Variants in PDE1C observed in about 807,000 individuals in gnomAD.
PDE1C encodes dual specificity calcium/calmodulin-dependent 3',5'-cyclic nucleotide phosphodiesterase 1C.
A neutral mutation model predicts 93.1 loss-of-function variants in PDE1C; 62 were observed. The observed-to-expected ratio is 0.67, with a 90% CI of 0.54 to 0.82. The LOEUF (loss-of-function observed/expected upper bound fraction) is 0.82, where lower values mean the gene tolerates loss of function less well. Ranked by LOEUF, PDE1C falls within the 40% of genes least tolerant of loss-of-function variation. PDE1C has a pLI of 0.00. For synonymous variants in PDE1C, 325 were observed against 310.1 expected, an observed-to-expected ratio of 1.05 and a Z score of -0.50; for missense variants, 742 against 884.6, an observed-to-expected ratio of 0.84 and a Z score of 2.04.
chr7:31,792,010 G>T (rs1490161282), intron 16 of PDE1C, among the ~76,000 whole-genome samples: 1 of 152,036 alleles, frequency 6.6e-6, no homozygotes, highest in Non-Finnish European at 1.5e-5. Flanking sequence ...GTGAATAAAA[G>T]AAGTTTGTGT....
At chr7:32,088,223 T>TA (rs1305008232) in intron 3 of PDE1C, among the ~76,000 whole-genome samples, 1 of 152,012 alleles carries the variant, frequency 6.6e-6, no homozygotes, top group East Asian at 1.9e-4. Context: ...AAAAAGCTCC[T>TA]AAAAAAAGCT....
the PDE1C span, among the ~76,000 whole-genome samples, chr7:31,693,756 T>C: frequency 1.3e-5 from 2 of 152,142 alleles, no homozygotes; most frequent in Non-Finnish European, 2.9e-5. Context: ...TTTAAGGAAA[T>C]TTACCTGAAT....
At chr7:32,113,635 C>T (rs1490395535) in intron 3 of PDE1C, among the ~76,000 whole-genome samples, 1 of 151,782 alleles carries the variant, frequency 6.6e-6, no homozygotes, top group African/African-American at 2.4e-5. Flanking sequence ...TAGCTACAGT[C>T]AATTTAGTAA....
chr7:31,964,644 G>C (rs186394516), intron 2 of PDE1C, among the ~76,000 whole-genome samples: 1 of 152,216 alleles, frequency 6.6e-6, no homozygotes, highest in Non-Finnish European at 1.5e-5. Flanking sequence ...ATCTGAGAAC[G>C]GGCAGACTGC....
rs546911543 is a variant in PDE1C at position 32,342,687 on chromosome 7, C to T, written c.310+85135G>A. On this transcript the variant is annotated intron_variant, in intron 1 of 1. Coordinates refer to the PDE1C transcript ENST00000672256. ...CACCTAAATTTAAATTCCTGTTCTACTAATTGTGTGATCTTGGGCAAGTGA... is the reference window on the plus strand; with the variant it reads ...CACCTAAATTTAAATTCCTGTTCTATTAATTGTGTGATCTTGGGCAAGTGA... Among the ~76,000 whole-genome samples the T allele has an allele frequency of 8.5e-5, 13 of 152,240 alleles. No homozygotes were observed. In the South Asian group the frequency reaches 2.7e-3, roughly 32 times the overall value.
intron 2 of PDE1C, among the ~76,000 whole-genome samples, chr7:32,017,065 G>A (rs1309992521): frequency 6.6e-6 from 1 of 152,098 alleles, no homozygotes; most frequent in East Asian, 1.9e-4. Context: ...TTATTTCATA[G>A]TTACTGGGAA....
chr7:31,849,694 C>T (rs927490751), intron 8 of PDE1C, among the ~76,000 whole-genome samples: 3 of 152,096 alleles, frequency 2.0e-5, no homozygotes, highest in Non-Finnish European at 2.9e-5. Flanking sequence ...AAACTCTCAT[C>T]CCTCCCTGCT....
rs935965434 is a variant in PDE1C, at chr7:32,015,955, TAAA to T, written c.128+35596_128+35598del. Among the ~76,000 whole-genome samples the T allele has an allele frequency of 3.2e-4, 49 of 152,270 alleles. 1 individual carries two copies. The highest frequency in any genetic ancestry group is 1.1e-3 in the African/African-American group (47 of 41,546). On this transcript the variant is annotated intron_variant, in intron 2 of 17. Coordinates refer to ENST00000396191, the MANE Select transcript of PDE1C (RefSeq NM_001191057.4). ...ACACTGGACCAAATTGAGGACTAGC[TAAA>T]ATAGGGACAAGGCGGAAACGGCTTT...
chr7:32,185,432 G>C (rs1803788682), intron 2 of PDE1C, among the ~76,000 whole-genome samples: 1 of 151,804 alleles, frequency 6.6e-6, no homozygotes, highest in Non-Finnish European at 1.5e-5. Context: ...TTTTTATCCT[G>C]GGAATAGTCT....
At chr7:31,841,227 C>CTCTATATATATATA (rs751320538) in intron 9 of PDE1C, among the ~76,000 whole-genome samples, 15 of 142,284 alleles carry the variant, frequency 1.1e-4, no homozygotes, top group South Asian at 2.2e-4. Flanking sequence ...CTCTCTCTCT[C>CTCTATATATATATA]TATATATATA....
At chr7:31,986,642 A>T (rs1157452873) in intron 2 of PDE1C, among the ~76,000 whole-genome samples, 1 of 152,038 alleles carries the variant, frequency 6.6e-6, no homozygotes, top group Non-Finnish European at 1.5e-5. Context: ...GGAGGAAGAG[A>T]CCTGAGTGAT....
chr7:31,837,450 C>T, intron 10 of PDE1C, 150 bp from the exon 11 acceptor site: 1 of 686,782 alleles, frequency 1.5e-6, no homozygotes. Flanking sequence ...TCATTTCATC[C>T]TACAACTGGG....
At chr7:32,147,778 C>T (rs1047367231) in intron 3 of PDE1C, among the ~76,000 whole-genome samples, 9 of 151,706 alleles carry the variant, frequency 5.9e-5, no homozygotes, top group African/African-American at 2.2e-4. Flanking sequence ...TTGAGATAGT[C>T]CTGCAGGATA....
At chr7:32,315,854 G>C (rs1783159495) in intron 1 of PDE1C, among the ~76,000 whole-genome samples, 1 of 152,144 alleles carries the variant, frequency 6.6e-6, no homozygotes, top group Non-Finnish European at 1.5e-5. Flanking sequence ...AATTAGCCGG[G>C]CATGGTGGTG....
At chr7:31,772,518 T>G (rs1795559771) in intron 17 of PDE1C, among the ~76,000 whole-genome samples, 1 of 152,076 alleles carries the variant, frequency 6.6e-6, no homozygotes, top group Non-Finnish European at 1.5e-5. Flanking sequence ...CTCTCTTTTT[T>G]TTTTTTCTGG....
chr7:31,906,728 C>A lies in PDE1C; in HGVS notation c.129-25868G>T, dbSNP rs144295157. ...AGCATGTGACCTTTAGAGTATAATGCCTTCCATTCCAAAGCCTGGCTTTTG... is the reference window on the plus strand; with the variant it reads ...AGCATGTGACCTTTAGAGTATAATGACTTCCATTCCAAAGCCTGGCTTTTG... On this transcript the variant is annotated intron_variant, in intron 2 of 17. Coordinates refer to ENST00000396191, the MANE Select transcript of PDE1C (RefSeq NM_001191057.4). 5.9e-3 allele frequency among the ~76,000 whole-genome samples: 896 copies of A among 152,252 alleles called. 3 individuals are homozygous for A. The highest frequency in any genetic ancestry group is 0.021 in the African/African-American group (855 of 41,550).
intron 7 of PDE1C, among the ~76,000 whole-genome samples, chr7:31,864,565 G>T (rs1445678139): frequency 6.6e-6 from 1 of 152,174 alleles, no homozygotes; most frequent in Non-Finnish European, 1.5e-5. Flanking sequence ...GCGTAACACG[G>T]TTGCCAAGTA....
At chr7:31,882,588 G>C (rs1158071009) in intron 2 of PDE1C, among the ~76,000 whole-genome samples, 1 of 152,100 alleles carries the variant, frequency 6.6e-6, no homozygotes, top group Non-Finnish European at 1.5e-5. Flanking sequence ...ACTTTTCAAA[G>C]TTTAGTCTCA....
intron 1 of PDE1C, among the ~76,000 whole-genome samples, chr7:32,312,635 C>G (rs1488629111): frequency 1.3e-5 from 2 of 152,074 alleles, no homozygotes; most frequent in Non-Finnish European, 2.9e-5. Flanking sequence ...ACAAACCTGA[C>G]AAAAACAAGA....
Sources: allele counts gnomAD v4.1 joint callset (sites outside exome capture counted in the v4.1 genomes callset), GRCh38; gene constraint gnomAD v4.1.1; transcripts MANE v1.5; gene names NCBI Gene and HGNC (gene_info 2026-07-23, HGNC 2026-07-21).